The following ST8SIA1 variants were observed in gnomAD, a reference collection of about 807,000 sequenced individuals.
ST8SIA1 encodes the protein ST8 alpha-N-acetyl-neuraminide alpha-2,8-sialyltransferase 1.
In ST8SIA1, 16 loss-of-function variants were observed where a neutral mutation model predicts 35.9. That is an observed-to-expected ratio of 0.45 (90% CI 0.30 to 0.68). The LOEUF (loss-of-function observed/expected upper bound fraction) is 0.68, where lower values mean the gene tolerates loss of function less well. ST8SIA1 is among the 30% of genes least tolerant of loss of function. The pLI is 0.09. For missense variants in ST8SIA1, 383 were observed against 453.6 expected (o/e 0.84, Z 1.41); for synonymous variants, 170 against 169.6 (o/e 1.00, Z -0.02).
At chr12:22,308,172 C>T (rs1225315068) in intron 1 of ST8SIA1, among the ~76,000 whole-genome samples, 2 of 152,074 alleles carry the variant, frequency 1.3e-5, no homozygotes, top group East Asian at 3.9e-4. Flanking sequence ...TAATTTTCAT[C>T]TTATATGTTT....
At chr12:22,325,422 TA>T (rs1441335008) in intron 1 of ST8SIA1, 1 of 701,818 alleles carries the variant, frequency 1.4e-6, no homozygotes, top group Non-Finnish European at 2.6e-6. Flanking sequence ...ACACAGCTCT[TA>T]CGGTCTTGGC....
intron 4 of ST8SIA1, among the ~76,000 whole-genome samples, chr12:22,219,256 T>C (rs1276678780): frequency 6.6e-6 from 1 of 152,220 alleles, no homozygotes; most frequent in Non-Finnish European, 1.5e-5. Flanking sequence ...TGTGTTTTAA[T>C]TTTATTATAT....
chr12:22,294,161 T>G (rs1332802422), intron 1 of ST8SIA1, among the ~76,000 whole-genome samples: 1 of 152,156 alleles, frequency 6.6e-6, no homozygotes, highest in Non-Finnish European at 1.5e-5. Context: ...GTCTCCCTGT[T>G]TATACCTACT....
Position 22,194,137 on chromosome 12 carries a change from G to A in ST8SIA1, c.*7415C>T, listed in dbSNP as rs1466079693. 9.2e-5 allele frequency: 14 copies of A among 152,114 alleles called. No individual in the cohort carries two copies. The highest frequency in any genetic ancestry group is 3.4e-4 in the African/African-American group (14 of 41,418). The allele number at this position is 152,114 out of a possible 1,614,324, so 9.4% of individuals were successfully genotyped here. A position where few individuals can be genotyped will look rare whatever the true frequency, so the allele number is the denominator to read the frequency against. On this transcript the variant is annotated 3_prime_UTR_variant, in exon 5 of 5. Transcript: ENST00000396037. ...TAGTGTCTCTATGATGTACCCTAGT[G>A]GCCATCAGACATCCTAAATTGTGAG...
chr12:22,226,826 G>T (rs1865364407), intron 4 of ST8SIA1, among the ~76,000 whole-genome samples: 2 of 152,080 alleles, frequency 1.3e-5, no homozygotes, highest in Non-Finnish European at 2.9e-5. Flanking sequence ...ACCACTCTGT[G>T]CACCTAATGG....
rs139098756 is a variant in ST8SIA1, at chr12:22,325,678, G to GT, written c.236+8318dup. 2.0e-3 allele frequency: 1,191 copies of GT among 605,378 alleles called. 16 individuals are homozygous for GT. The African/African-American group carries it at 0.02, about 10-fold the overall frequency. The allele number at this position is 605,378 out of a possible 1,614,324, so 37.5% of individuals were successfully genotyped here. A position where few individuals can be genotyped will look rare whatever the true frequency, so the allele number is the denominator to read the frequency against. ...CAGATGGTACCAAGCCCTATATACC[G>GT]TTTTTTCCTATTTTTTCCTATACAT... On this transcript the variant is annotated intron_variant, in intron 1 of 4. Coordinates refer to ENST00000396037, the MANE Select transcript of ST8SIA1 (RefSeq NM_003034.4).
At chr12:22,235,054 T>C (rs1283205446) in intron 4 of ST8SIA1, among the ~76,000 whole-genome samples, 1 of 152,184 alleles carries the variant, frequency 6.6e-6, no homozygotes, top group Non-Finnish European at 1.5e-5. Context: ...TGAGCGCATG[T>C]ATTGTGTGTG....
rs532927676 is a variant in ST8SIA1 at position 22,315,141 on chromosome 12, C to T, written c.236+18856G>A. ...CCTGGAGATCAGAGACTATGCCTTA[C>T]ACTTTCTTTATATTCTCCCTTGAAG... On this transcript the variant is annotated intron_variant, in intron 1 of 4. Transcript: ENST00000396037. 9.2e-5 allele frequency among the ~76,000 whole-genome samples: 14 copies of T among 152,218 alleles called. No homozygotes were observed. In the South Asian group the frequency reaches 2.9e-3, roughly 32 times the overall value.
rs112523893 is a variant in ST8SIA1, at chr12:22,266,126, C to T, written c.382-10737G>A. Among the ~76,000 whole-genome samples, 66 of 152,120 alleles carry T rather than the reference C, an allele frequency of 4.3e-4. 1 individual carries two copies. The highest frequency in any genetic ancestry group is 1.5e-3 in the African/African-American group (64 of 41,494). On this transcript the variant is annotated intron_variant, in intron 2 of 4. Transcript: ENST00000396037. ...CTCTGTTAAAGCTGCTTCAATGGCTCGCCCTCACCCCTTCTCCTTACTTTC... is the reference window on the plus strand; with the variant it reads ...CTCTGTTAAAGCTGCTTCAATGGCTTGCCCTCACCCCTTCTCCTTACTTTC...
chr12:22,260,624 C>A (rs532817170), intron 2 of ST8SIA1, among the ~76,000 whole-genome samples: 13 of 152,146 alleles, frequency 8.5e-5, no homozygotes, highest in Non-Finnish European at 1.5e-4. Context: ...CAGTGCCTCA[C>A]TGGAAACAAG....
intron 1 of ST8SIA1, among the ~76,000 whole-genome samples, chr12:22,320,999 GA>G (rs1459533751): frequency 1.1e-5 from 1 of 93,600 alleles, no homozygotes; most frequent in Non-Finnish European, 2.2e-5. Context: ...AAGAAAGAAA[GA>G]AAGAAGAAAG....
At chr12:22,325,362 T>A in intron 1 of ST8SIA1, 1 of 690,494 alleles carries the variant, frequency 1.4e-6, no homozygotes, top group Non-Finnish European at 2.6e-6. Context: ...AAATGGAGAA[T>A]GTGTGGCTCT....
At chr12:22,288,080 C>G (rs1866125758) in intron 1 of ST8SIA1, among the ~76,000 whole-genome samples, 1 of 152,184 alleles carries the variant, frequency 6.6e-6, no homozygotes, top group South Asian at 2.1e-4. Context: ...CCAGCTAGCC[C>G]CTCAAGTCTA....
intron 1 of ST8SIA1, among the ~76,000 whole-genome samples, chr12:22,316,994 G>C (rs1866529806): frequency 6.6e-6 from 1 of 152,110 alleles, no homozygotes; most frequent in African/African-American, 2.4e-5. Context: ...ATAAATATCA[G>C]TGTAAATCTA....
rs1295613185 is a variant in ST8SIA1, at chr12:22,194,178, A to G, written c.*7374T>C. The G allele has an allele frequency of 1.3e-5, 2 of 152,188 alleles. No individual in the cohort carries two copies. The highest frequency in any genetic ancestry group is 4.8e-5 in the African/African-American group (2 of 41,448). The allele number at this position is 152,188 out of a possible 1,614,324, so 9.4% of individuals were successfully genotyped here. On this transcript the variant is annotated 3_prime_UTR_variant, in exon 5 of 5. Coordinates refer to ENST00000396037, the MANE Select transcript of ST8SIA1 (RefSeq NM_003034.4). ...AAATTGTGAGTCCTGTATATTAATT[A>G]TAAGGGGAGTGTCTATAGTAACCTA...
At chr12:22,276,792 G>T (rs1323732716) in intron 2 of ST8SIA1, among the ~76,000 whole-genome samples, 1 of 151,796 alleles carries the variant, frequency 6.6e-6, no homozygotes, top group Non-Finnish European at 1.5e-5. Flanking sequence ...GACCTGCCAG[G>T]AAGAGGGGAG....
rs578056640 is a variant in ST8SIA1 at position 22,225,428 on chromosome 12, T to C, written c.585-23390A>G. Among the ~76,000 whole-genome samples, 5 of 152,168 alleles carry C rather than the reference T, an allele frequency of 3.3e-5. No homozygotes were observed. The South Asian group carries it at 8.3e-4, about 25-fold the overall frequency. On this transcript the variant is annotated intron_variant, in intron 4 of 4. Coordinates refer to ENST00000396037, the MANE Select transcript of ST8SIA1 (RefSeq NM_003034.4). ...ATTGCTCACATTTCTCCTATTAAAG[T>C]AAATTAAAATGGAGACCACGGCTGA... is the stretch of plus-strand genomic sequence containing the variant.
Position 22,255,399 on chromosome 12 carries a change from G to GA in ST8SIA1, c.382-11dup. Reference sequence around the variant, plus strand: ...GCTGGAATGGGGTTGCCTAGCAACAGAAAACAAGGCGGGTTTTCACTGCAA... The same window carrying GA: ...GCTGGAATGGGGTTGCCTAGCAACAGAAAAACAAGGCGGGTTTTCACTGCAA... On this transcript the variant is annotated splice_polypyrimidine_tract_variant and intron_variant, in intron 2 of 4. Transcript: ENST00000396037. 6.2e-7 allele frequency: 1 copy of GA among 1,612,524 alleles called. No homozygotes were observed. The highest frequency in any genetic ancestry group is 8.5e-7 in the Non-Finnish European group (1 of 1,178,498).
Position 22,334,206 on chromosome 12 carries a change from T to C in ST8SIA1, c.27A>G (p.Arg9=). 1 of 1,613,126 alleles carries C rather than the reference T, an allele frequency of 6.2e-7. No individual in the cohort carries two copies. Among genetic ancestry groups the C allele is most frequent in the Non-Finnish European group, 8.5e-7 (1 of 1,179,612 alleles). The stretch of plus-strand genomic sequence containing the variant: ...CAGCCATGGCCCCTCTGGACGTTTG[T>C]CGCCGGGCCCGCCCGCAGGGGCTCA... MSPCGRAR[R]QTSRGAMAVL... Residue 9 remains arginine, a synonymous_variant, in exon 1 of 5, where the codon CGA becomes CGG. Coordinates refer to ENST00000396037, the MANE Select transcript of ST8SIA1 (RefSeq NM_003034.4).
Sources: gnomAD v4.1 joint callset for allele counts (sites outside exome capture counted in the v4.1 genomes callset) on GRCh38, gnomAD v4.1.1 for gene constraint, MANE v1.5 for transcripts, NCBI Gene and HGNC (gene_info 2026-07-23, HGNC 2026-07-21) for gene names.